EML4: variants seen among roughly 807,000 people sequenced by gnomAD.
The protein encoded by EML4 is EMAP like 4.
EML4 carries 72 observed loss-of-function variants against 129.0 expected under a neutral mutation model. That is an observed-to-expected ratio of 0.56 (90% CI 0.46 to 0.68). EML4 has a LOEUF of 0.68. Among genes scored for constraint, EML4 ranks in the 30% least tolerant of loss-of-function variants. EML4 has a pLI of 0.00. For missense variants in EML4, 1,363 were observed against 1,190.6 expected, an observed-to-expected ratio of 1.14 and a Z score of -2.13; for synonymous variants, 532 against 405.0, an observed-to-expected ratio of 1.31 and a Z score of -3.77.
chr2:42,237,971 C>T (rs917957846), intron 1 of EML4, among the ~76,000 whole-genome samples: 1 of 152,106 alleles, frequency 6.6e-6, no homozygotes, highest in African/African-American at 2.4e-5. Flanking sequence ...ATGGTTATGC[C>T]AAAAAACAAC....
chr2:42,265,241 C>A (rs1249603074), intron 6 of EML4, among the ~76,000 whole-genome samples: 1 of 151,918 alleles, frequency 6.6e-6, no homozygotes, highest in East Asian at 1.9e-4. Context: ...ACCACCACAC[C>A]CGGCTAATTT....
chr2:42,253,791 G>T (rs568475000), intron 2 of EML4, among the ~76,000 whole-genome samples: 2 of 152,222 alleles, frequency 1.3e-5, no homozygotes, highest in South Asian at 4.2e-4. Flanking sequence ...AAGCAAGATG[G>T]ATCATAGACC....
At chr2:42,265,855 C>CA (rs1472744547) in intron 6 of EML4, among the ~76,000 whole-genome samples, 1 of 151,834 alleles carries the variant, frequency 6.6e-6, no homozygotes, top group Non-Finnish European at 1.5e-5. Context: ...TTGTTCAGAC[C>CA]AAAAAAAGAG....
At chr2:42,259,257 CAG>C (rs752508440) in intron 3 of EML4, among the ~76,000 whole-genome samples, 69 of 150,712 alleles carry the variant, frequency 4.6e-4, no homozygotes, top group East Asian at 1.2e-3. Flanking sequence ...AAAAAAAAAA[CAG>C]GGGGAGGGGG....
intron 6 of EML4, among the ~76,000 whole-genome samples, chr2:42,267,570 G>A (rs1004014177): frequency 3.3e-5 from 5 of 152,192 alleles, no homozygotes; most frequent in African/African-American, 1.2e-4. Context: ...TACTTTACCT[G>A]AAAGGCCTGT....
chr2:42,326,557 C>G (rs1339261245), intron 21 of EML4, among the ~76,000 whole-genome samples: 1 of 152,136 alleles, frequency 6.6e-6, no homozygotes, highest in African/African-American at 2.4e-5. Context: ...TTTTAAATAG[C>G]TTGAGATACA....
chr2:42,303,322 C>T lies in EML4; in HGVS notation c.1775C>T (p.Thr592Ile), dbSNP rs1188101154. Residue 592 changes from threonine (T) to isoleucine (I), a missense_variant, in exon 16 of 23, where the codon ACA becomes ATA. Physicochemically the swap from Thr to Ile is moderately conservative, Grantham distance 89. Transcript: ENST00000318522. ...AGTGTCTTTCATTTTCAGGGTCATA[C>T]AGATGAGCTTTGGGGTCTTGCCACA... is the stretch of plus-strand genomic sequence containing the variant. ...DGFQIEVQGH[T>I]DELWGLATHP... 1 of 1,614,082 alleles carries T rather than the reference C, an allele frequency of 6.2e-7. No individual in the cohort carries two copies. Among genetic ancestry groups the T allele is most frequent in the East Asian group, 2.2e-5 (1 of 44,878 alleles).
chr2:42,287,650 G>T (rs1371000353), intron 10 of EML4, among the ~76,000 whole-genome samples: 1 of 152,072 alleles, frequency 6.6e-6, no homozygotes, highest in Non-Finnish European at 1.5e-5. Flanking sequence ...TAAAATACGT[G>T]AATGAGAATG....
intron 13 of EML4, among the ~76,000 whole-genome samples, chr2:42,298,601 C>A (rs1668084507): frequency 6.6e-6 from 1 of 152,044 alleles, no homozygotes; most frequent in Non-Finnish European, 1.5e-5. Context: ...GATACTAGGT[C>A]CACCTCAGGA....
chr2:42,169,411 T>C lies in EML4; in HGVS notation c.-201T>C, dbSNP rs988092647. The C allele has an allele frequency of 6.5e-6, 3 of 461,844 alleles. No individual in the cohort carries two copies. Among genetic ancestry groups the C allele is most frequent in the Non-Finnish European group, 1.1e-5 (3 of 263,276 alleles). 28.6% of individuals were successfully genotyped at this position (461,844 alleles called of 1,614,324 possible). On this transcript the variant is annotated 5_prime_UTR_variant, in exon 1 of 23. Transcript: ENST00000318522. The stretch of plus-strand genomic sequence containing the variant: ...CGGGCAGGCGGCTGAGCGGCGCGGC[T>C]CTCAACGTGACGGGGAAGTGGTTCG...
chr2:42,247,827 A>G (rs890354596), intron 2 of EML4, among the ~76,000 whole-genome samples: 5 of 152,094 alleles, frequency 3.3e-5, no homozygotes, highest in African/African-American at 1.2e-4. Flanking sequence ...TGGGCTTTAT[A>G]GGGAATATAA....
At chr2:42,323,250 G>A (rs1553396368) in intron 19 of EML4, among the ~76,000 whole-genome samples, 2 of 151,350 alleles carry the variant, frequency 1.3e-5, no homozygotes, top group East Asian at 1.9e-4. Flanking sequence ...TTCCCCAGAC[G>A]CCAGAGCCAG....
At chr2:42,281,892 C>A (rs1048839723) in intron 7 of EML4, among the ~76,000 whole-genome samples, 2 of 152,186 alleles carry the variant, frequency 1.3e-5, no homozygotes, top group Non-Finnish European at 2.9e-5. Context: ...CTTCCTCCCA[C>A]GTCCCTTGAA....
At chr2:42,208,520 C>T (rs1189667433) in intron 1 of EML4, among the ~76,000 whole-genome samples, 5 of 151,086 alleles carry the variant, frequency 3.3e-5, no homozygotes, top group East Asian at 1.9e-4. Flanking sequence ...TTGCAACCTC[C>T]GCCCTCTGAG....
rs1161705781 is a variant in EML4 at position 42,329,812 on chromosome 2, T to C, written c.2551T>C (p.Ser851Pro). The C allele has an allele frequency of 1.2e-6, 2 of 1,614,082 alleles. No individual in the cohort carries two copies. Among genetic ancestry groups the C allele is most frequent in the Non-Finnish European group, 1.7e-6 (2 of 1,179,980 alleles). Residue 851 changes from serine (S) to proline (P), a missense_variant, in exon 23 of 23, where the codon TCA becomes CCA. By Grantham distance (74) the Ser-to-Pro change is moderately conservative. Transcript: ENST00000318522. ...SFTHNDSHLI[S>P]TGGKDMSIIQ... is the part of the protein sequence containing the mutation. ...TACTCACAATGACAGTCACCTGATA[T>C]CAACTGGTGGAAAAGACATGAGCAT...
chr2:42,283,040 G>C, intron 8 of EML4, 68 bp downstream of exon 8: 1 of 1,394,176 alleles, frequency 7.2e-7, no homozygotes, highest in South Asian at 1.4e-5. Flanking sequence ...TTTAAATTTG[G>C]GTTTTATTGA....
intron 1 of EML4, among the ~76,000 whole-genome samples, chr2:42,173,312 T>A (rs986610144): frequency 7.2e-5 from 11 of 152,252 alleles, no homozygotes; most frequent in African/African-American, 2.4e-4. Context: ...GTTTTTTTTT[T>A]AAACTTTTTT....
chr2:42,230,025 C>T (rs1046228547), intron 1 of EML4, among the ~76,000 whole-genome samples: 1 of 152,050 alleles, frequency 6.6e-6, no homozygotes, highest in African/African-American at 2.4e-5. Flanking sequence ...GCTAAATTTG[C>T]TTCTTCCAGA....
intron 1 of EML4, among the ~76,000 whole-genome samples, chr2:42,214,684 C>G (rs1456031278): frequency 6.6e-6 from 1 of 152,098 alleles, no homozygotes; most frequent in African/African-American, 2.4e-5. Flanking sequence ...TGGTGATATG[C>G]AGCTGGAGGG....
Sources: allele counts gnomAD v4.1 joint callset (sites outside exome capture counted in the v4.1 genomes callset), GRCh38; gene constraint gnomAD v4.1.1; transcripts MANE v1.5; gene names NCBI Gene and HGNC (gene_info 2026-07-23, HGNC 2026-07-21).